The following MAP4K1 variants were observed in gnomAD, a reference collection of about 807,000 sequenced individuals.
MAP4K1 encodes the protein MAPK/ERK kinase kinase kinase 1.
Under a neutral mutation model 122.8 loss-of-function variants are expected in MAP4K1, and 35 were observed. That is an observed-to-expected ratio of 0.29 (90% confidence interval 0.22 to 0.38). The LOEUF (loss-of-function observed/expected upper bound fraction) is 0.38. MAP4K1 is among the 10% of genes least tolerant of loss of function. The probability of loss-of-function intolerance (pLI) is 1.00; values close to 1 mark genes in which losing one functional copy is unlikely to be tolerated. For missense variants in MAP4K1, 791 were observed against 1,072.6 expected (o/e 0.74, Z 3.67); for synonymous variants, 412 against 421.3 (o/e 0.98, Z 0.27).
intron 17 of MAP4K1, 129 bp from the exon 18 acceptor site, chr19:38,605,859 T>G: frequency 1.3e-6 from 1 of 789,008 alleles, no homozygotes; most frequent in Non-Finnish European, 1.9e-6. Flanking sequence ...CCCGACAACA[T>G]CTTGTGCCCC....
rs528097407 is a variant in MAP4K1 at position 38,614,624 on chromosome 19, TAA to T, written c.314-181_314-180del. 103 of 671,050 alleles carry T rather than the reference TAA, an allele frequency of 1.5e-4. No individual in the cohort carries two copies. In the African/African-American group the frequency reaches 1.6e-3, roughly 11 times the overall value. 41.6% of individuals were successfully genotyped at this position (671,050 alleles called of 1,614,324 possible). ...TGACAGAAAGAGGCAGCAATGCAAA[TAA>T]AAGAGGCCAATAGGCCTGGCGCAGT... On this transcript the variant is annotated intron_variant, in intron 4 of 30. Coordinates refer to ENST00000396857, the MANE Select transcript of MAP4K1 (RefSeq NM_001042600.3).
chr19:38,612,599 A>T lies in MAP4K1; in HGVS notation c.665+12T>A, dbSNP rs1484356013. On this transcript the variant is annotated intron_variant, in intron 9 of 30. Transcript: ENST00000396857. ...CAGGATCTCTGGGCCTGGGGACCCCACGCCTGCCTACCTGAGAGGGTGCAC... is the reference window on the plus strand; with the variant it reads ...CAGGATCTCTGGGCCTGGGGACCCCTCGCCTGCCTACCTGAGAGGGTGCAC... 8.7e-6 allele frequency: 14 copies of T among 1,610,190 alleles called. No homozygotes were observed. Among genetic ancestry groups the T allele is most frequent in the African/African-American group, 1.3e-5 (1 of 74,910 alleles).
At chr19:38,600,952 C>G (rs909128545) in intron 20 of MAP4K1, among the ~76,000 whole-genome samples, 1 of 151,898 alleles carries the variant, frequency 6.6e-6, no homozygotes, top group African/African-American at 2.4e-5. Flanking sequence ...ATTATAGGCA[C>G]GTGCTACCAC....
rs756169111 is a variant in MAP4K1 at position 38,597,522 on chromosome 19, G to A, written c.1742C>T (p.Pro581Leu). Residue 581 changes from proline to leucine, a missense_variant, in exon 23 of 31, where the codon CCC becomes CTC. Pro to Leu is a moderately conservative substitution (Grantham distance 98, BLOSUM62 -3). Transcript: ENST00000396857. This position sits in a 1 kb window ranked among gnomAD's most constrained non-coding sequence, Gnocchi z 4.6. ...GCGGTGGGGGCTAATGTGAGCGATG[G>A]GGTTTCCTGCTCTGGTCTCTTTCCG... ...LERKETRAGNPIAHISPHRLL... is the reference protein window; with the variant it reads ...LERKETRAGNLIAHISPHRLL... 5.6e-6 allele frequency: 9 copies of A among 1,613,880 alleles called. No homozygotes were observed. Among genetic ancestry groups the A allele is most frequent in the African/African-American group, 2.7e-5 (2 of 74,880 alleles).
At chr19:38,605,981 C>CT (rs1975318290) in intron 17 of MAP4K1, among the ~76,000 whole-genome samples, 192 bp downstream of exon 17, 1 of 152,178 alleles carries the variant, frequency 6.6e-6, no homozygotes, top group South Asian at 2.1e-4. Context: ...TGACCAGTGT[C>CT]TAAGAGGCTA....
At chr19:38,615,073 A>G (rs955995697) in intron 4 of MAP4K1, among the ~76,000 whole-genome samples, 3 of 152,210 alleles carry the variant, frequency 2.0e-5, no homozygotes, top group Middle Eastern at 6.8e-3. Context: ...GAGCTATGAC[A>G]TTTCACAGAG....
In MAP4K1 at chr19:38,602,854, ATACATATATACACATG is replaced by A. The variant is rs1489291985; in HGVS notation, c.1447-1345_1447-1330del. On this transcript the variant is annotated intron_variant, in intron 19 of 30. Coordinates refer to ENST00000396857, the MANE Select transcript of MAP4K1 (RefSeq NM_001042600.3). ...TATACGCATATACATATATACACAT[ATACATATATACACATG>A]TACATATATACTTATATACACATGT... 5.2e-4 allele frequency among the ~76,000 whole-genome samples: 77 copies of A among 147,860 alleles called. 3 individuals are homozygous for A. In the East Asian group the frequency reaches 9.4e-3, roughly 18 times the overall value.
At chr19:38,601,366 C>T (rs1975058049) in intron 20 of MAP4K1, 75 bp downstream of exon 20, 1 of 1,374,508 alleles carries the variant, frequency 7.3e-7, no homozygotes, top group Non-Finnish European at 1.0e-6. Flanking sequence ...TTTGTGCCTT[C>T]CTTAGGCTTC....
intron 29 of MAP4K1, 86 bp downstream of exon 29, chr19:38,595,399 G>T: frequency 7.3e-7 from 1 of 1,374,576 alleles, no homozygotes; most frequent in South Asian, 1.2e-5. Flanking sequence ...TTCACACTCT[G>T]ACTCAGGAGT....
rs374540734 is a variant in MAP4K1, at chr19:38,612,649, G to A, written c.627C>T (p.Ala209=). The A allele has an allele frequency of 5.1e-5, 82 of 1,613,452 alleles. No homozygotes were observed. The African/African-American group carries it at 7.6e-4, about 15-fold the overall frequency. ...CATCAAAGAGCGGTGGCTGTAGCTC[G>A]GCCAGTTCGATGGCCGTGATGCCCA... ...WSLGITAIEL[A]ELQPPLFDVH... Residue 209 remains alanine (A), a synonymous_variant, in exon 9 of 31, where the codon GCC becomes GCT. Coordinates refer to ENST00000396857, the MANE Select transcript of MAP4K1 (RefSeq NM_001042600.3).
At chr19:38,603,195 C>A (rs1345952188) in intron 19 of MAP4K1, among the ~76,000 whole-genome samples, 1 of 147,600 alleles carries the variant, frequency 6.8e-6, no homozygotes, top group East Asian at 2.0e-4. Flanking sequence ...TACGCATATA[C>A]ATATATACAC....
intron 19 of MAP4K1, among the ~76,000 whole-genome samples, chr19:38,602,553 TAC>T (rs1320623833): frequency 2.4e-4 from 35 of 145,076 alleles, no homozygotes; most frequent in Non-Finnish European, 3.5e-4. Context: ...TACATATATA[TAC>T]ACACATATAC....
chr19:38,616,595 G>C (rs965854325), intron 3 of MAP4K1, among the ~76,000 whole-genome samples: 6 of 152,118 alleles, frequency 3.9e-5, no homozygotes, highest in Non-Finnish European at 5.9e-5. Context: ...GGGGCCCAGG[G>C]CACCTGTTCT....
At chr19:38,602,857 C>CAT (rs1427127369) in intron 19 of MAP4K1, among the ~76,000 whole-genome samples, 1 of 145,894 alleles carries the variant, frequency 6.9e-6, no homozygotes, top group African/African-American at 2.5e-5. Flanking sequence ...TACACATATA[C>CAT]ATATATACAC....
At position 38,612,124 on chromosome 19, in the gene MAP4K1, AAAAT is replaced by A. The variant is rs1175057478; in HGVS notation, c.665+483_665+486del. On this transcript the variant is annotated intron_variant, in intron 9 of 30. Coordinates refer to ENST00000396857, the MANE Select transcript of MAP4K1 (RefSeq NM_001042600.3). The stretch of plus-strand genomic sequence containing the variant: ...AAAAATAAATAAATAAATAAAAATA[AAAAT>A]AAATAAATAGGCTGGGTGCAGTGGT... Among the ~76,000 whole-genome samples the A allele has an allele frequency of 5.3e-5, 8 of 151,358 alleles. 1 individual carries two copies. The highest frequency in any genetic ancestry group is 8.8e-5 in the Non-Finnish European group (6 of 67,906).
rs201062654 is a variant in MAP4K1 at position 38,607,883 on chromosome 19, C to G, written c.1138G>C (p.Asp380His). The G allele has an allele frequency of 1.2e-6, 2 of 1,611,996 alleles. No homozygotes were observed. Among genetic ancestry groups the G allele is most frequent in the Non-Finnish European group, 1.7e-6 (2 of 1,179,268 alleles). ...RKQLSESSDD[D>H]YDDVDIPTPA... ...ACTTACATGTCCACGTCGTCATAGT[C>G]ATCGTCAGACGACTCTGACAGTTGC... Residue 380 changes from aspartate (D) to histidine (H), a missense_variant, in exon 16 of 31, where the codon GAC (aspartate) becomes CAC (histidine). Physicochemically the swap from Asp to His is moderately conservative, Grantham distance 81. This residue lies in a region of MAP4K1 where 303 missense variants were observed against 344.8 expected (regional missense o/e 0.88). Coordinates refer to ENST00000396857, the MANE Select transcript of MAP4K1 (RefSeq NM_001042600.3).
Position 38,596,367 on chromosome 19 carries a change from G to T in MAP4K1, c.2061C>A (p.Leu687=). 3 of 1,602,218 alleles carry T rather than the reference G, an allele frequency of 1.9e-6. No homozygotes were observed. Among genetic ancestry groups the T allele is most frequent in the Non-Finnish European group, 1.7e-6 (2 of 1,176,634 alleles). ...VSPGRPGKSV[L]FHTVRFGALS... is the part of the protein sequence containing the mutation. ...GCGCGCCAAAGCGCACCGTGTGGAA[G>T]AGCACCGACTTCCCCGGCCGCCCGG... is the stretch of plus-strand genomic sequence containing the variant. The change falls in exon 26 of 31, where the codon CTC becomes CTA. Residue 687 remains leucine (L), a synonymous_variant. Coordinates refer to ENST00000396857, the MANE Select transcript of MAP4K1 (RefSeq NM_001042600.3).
chr19:38,612,043 A>G (rs1183243079), intron 9 of MAP4K1, among the ~76,000 whole-genome samples: 1 of 152,090 alleles, frequency 6.6e-6, no homozygotes, highest in Non-Finnish European at 1.5e-5. Context: ...GGTTGCAGTG[A>G]GCTGAGATCT....
intron 4 of MAP4K1, among the ~76,000 whole-genome samples, chr19:38,615,562 A>C (rs1332850934): frequency 6.6e-6 from 1 of 152,106 alleles, no homozygotes; most frequent in Admixed American, 6.6e-5. Flanking sequence ...AGAACAACAC[A>C]CAGGCAGAGA....
Sources: gnomAD v4.1 joint callset for allele counts (sites outside exome capture counted in the v4.1 genomes callset) on GRCh38, gnomAD v4.1.1 for gene constraint, gnomAD v4.1.1 regional missense constraint, Gnocchi (gnomAD v3.1) non-coding constraint, MANE v1.5 for transcripts, NCBI Gene and HGNC (gene_info 2026-07-23, HGNC 2026-07-21) for gene names.